HPS3: variants seen among roughly 807,000 people sequenced by gnomAD.
HPS3 encodes BLOC-2 complex member HPS3.
In HPS3, 79 loss-of-function variants were observed where a neutral mutation model predicts 110.9. The observed-to-expected ratio is 0.71, with a 90% CI of 0.59 to 0.86. The LOEUF is 0.86. Among genes scored for constraint, HPS3 ranks in the 40% least tolerant of loss-of-function variants. HPS3 has a pLI of 0.00. For missense variants in HPS3, 1,197 were observed against 1,206.2 expected (o/e 0.99, Z 0.11); for synonymous variants, 428 against 451.0 (o/e 0.95, Z 0.65).
chr3:149,131,373 GT>G (rs1186881408), intron 1 of HPS3, among the ~76,000 whole-genome samples: 1 of 152,098 alleles, frequency 6.6e-6, no homozygotes, highest in Non-Finnish European at 1.5e-5. Flanking sequence ...AAATCTACCA[GT>G]TCCATTTTTC....
Position 149,132,228 on chromosome 3 carries a change from T to C in HPS3, c.217+2288T>C, listed in dbSNP as rs540811324. On this transcript the variant is annotated intron_variant, in intron 1 of 16. Transcript: ENST00000296051. ...TTTTTCAGTGTAGACAAAACAGTCT[T>C]AAATTGGAAGAAGATGCCATCTAGG... Among the ~76,000 whole-genome samples, 3 of 152,310 alleles carry C rather than the reference T, an allele frequency of 2.0e-5. No individual in the cohort carries two copies. In the South Asian group the frequency reaches 6.2e-4, roughly 32 times the overall value.
chr3:149,136,197 T>G (rs529974293), intron 1 of HPS3, among the ~76,000 whole-genome samples: 1 of 111,328 alleles, frequency 9.0e-6, no homozygotes, highest in African/African-American at 3.8e-5. Context: ...TTATAATATA[T>G]GTATATACAT....
intron 10 of HPS3, 32 bp downstream of exon 10, chr3:149,158,878 T>C (rs1239784331): frequency 7.1e-7 from 1 of 1,402,146 alleles, no homozygotes; most frequent in Admixed American, 1.7e-5. Flanking sequence ...CTATCTAATA[T>C]TTTTAACATT....
chr3:149,146,736 G>C (rs1332977927), intron 5 of HPS3, among the ~76,000 whole-genome samples: 1 of 152,198 alleles, frequency 6.6e-6, no homozygotes, highest in Non-Finnish European at 1.5e-5. Flanking sequence ...TTTCTTAAGT[G>C]AACAATGTGG....
chr3:149,144,723 T>G (rs1157916201), intron 4 of HPS3, among the ~76,000 whole-genome samples: 1 of 152,202 alleles, frequency 6.6e-6, no homozygotes, highest in East Asian at 1.9e-4. Flanking sequence ...TCTATGCTGT[T>G]TAGTATGGTA....
chr3:149,138,781 C>T (rs1048035712), intron 1 of HPS3, among the ~76,000 whole-genome samples: 11 of 152,050 alleles, frequency 7.2e-5, no homozygotes, highest in Admixed American at 5.9e-4. Flanking sequence ...GGCTGATAAA[C>T]GTAGGAAAAG....
At chr3:149,152,015 C>T (rs1209043267) in intron 6 of HPS3, among the ~76,000 whole-genome samples, 1 of 152,120 alleles carries the variant, frequency 6.6e-6, no homozygotes, top group Non-Finnish European at 1.5e-5. Context: ...TCTCTGAGTT[C>T]CTAGTGACCC....
intron 14 of HPS3, among the ~76,000 whole-genome samples, 163 bp from the exon 15 acceptor site, chr3:149,166,865 ATTATAC>A (rs1236810602): frequency 6.6e-6 from 1 of 152,226 alleles, no homozygotes; most frequent in African/African-American, 2.4e-5. Flanking sequence ...TCAAGATTAT[ATTATAC>A]TTAGATTTAT....
chr3:149,154,961 A>G (rs920575347), intron 7 of HPS3, 146 bp from the exon 8 acceptor site: 10 of 627,492 alleles, frequency 1.6e-5, no homozygotes, highest in East Asian at 5.6e-5. Context: ...CTAATATTCC[A>G]TAGAAATAGA....
intron 6 of HPS3, among the ~76,000 whole-genome samples, chr3:149,153,040 C>A (rs1723230198): frequency 6.6e-6 from 1 of 152,208 alleles, no homozygotes; most frequent in Non-Finnish European, 1.5e-5. Flanking sequence ...ATGTACTCTA[C>A]AAGCAGTAGA....
chr3:149,163,583 T>C (rs1447787028), intron 13 of HPS3, among the ~76,000 whole-genome samples: 2 of 152,234 alleles, frequency 1.3e-5, no homozygotes. Context: ...TTAAATGCAG[T>C]ATTGCTCTTT....
intron 1 of HPS3, among the ~76,000 whole-genome samples, chr3:149,139,024 A>G (rs1483350393): frequency 6.6e-6 from 1 of 152,226 alleles, no homozygotes; most frequent in African/African-American, 2.4e-5. Context: ...GGGAATCTGT[A>G]CCGTTAAAAT....
In HPS3 at chr3:149,141,682, C is replaced by T. The variant is rs1194821326; in HGVS notation, c.970+302C>T. Among the ~76,000 whole-genome samples the T allele has an allele frequency of 9.3e-5, 14 of 150,610 alleles. No homozygotes were observed. In the East Asian group the frequency reaches 9.8e-4, roughly 11 times the overall value. On this transcript the variant is annotated intron_variant, in intron 4 of 16. Transcript: ENST00000296051. ...CCGAGTAGCTGGGACTACAGGCGCC[C>T]GCCACCAAGCCCGGCTAAATTTTTT...
Position 149,129,650 on chromosome 3 carries a change from A to G in HPS3, c.-74A>G. ...TTGGCTCGCTCGCGGAAGTAGTCCT[A>G]CATTCGCGGTCAGCGCGGGGTCTCC... On this transcript the variant is annotated 5_prime_UTR_variant, in exon 1 of 17. Coordinates refer to ENST00000296051, the MANE Select transcript of HPS3 (RefSeq NM_032383.5). The G allele has an allele frequency of 8.5e-7, 1 of 1,174,584 alleles. No individual in the cohort carries two copies. Among genetic ancestry groups the G allele is most frequent in the South Asian group, 1.6e-5 (1 of 62,796 alleles). 72.8% of individuals were successfully genotyped at this position (1,174,584 alleles called of 1,614,324 possible). A position where few individuals can be genotyped will look rare whatever the true frequency, so the allele number is the denominator to read the frequency against.
intron 6 of HPS3, among the ~76,000 whole-genome samples, chr3:149,151,587 T>TATAAAAAA (rs1723116580): frequency 2.5e-5 from 1 of 40,300 alleles, no homozygotes; most frequent in South Asian, 1.2e-3. Context: ...GCTTGGTTTC[T>TATAAAAAA]AAAAAAAAAA....
chr3:149,163,854 A>G lies in HPS3; in HGVS notation c.2494A>G (p.Ser832Gly). 1 of 1,538,632 alleles carries G rather than the reference A, an allele frequency of 6.5e-7. No individual in the cohort carries two copies. Among genetic ancestry groups the G allele is most frequent in the Non-Finnish European group, 9.0e-7 (1 of 1,111,136 alleles). Residue 832 changes from serine to glycine, a missense_variant, in exon 14 of 17, where the codon AGT (serine) becomes GGT (glycine). Physicochemically the swap from Ser to Gly is moderately conservative, Grantham distance 56 (BLOSUM62 0). Transcript: ENST00000296051. ...RTSEDLINAC[S>G]HYGLIYPWVH... ...TTTTATGTTTTAGATAAATGCCTGT[A>G]GTCATTATGGCTTAATTTATCCATG...
intron 1 of HPS3, among the ~76,000 whole-genome samples, chr3:149,138,617 T>C (rs1377726292): frequency 1.3e-5 from 2 of 152,112 alleles, no homozygotes; most frequent in African/African-American, 4.8e-5. Flanking sequence ...ATCAGCAAAG[T>C]CAAAATCAGA....
chr3:149,130,245 A>G, intron 1 of HPS3: 1 of 487,798 alleles, frequency 2.1e-6, no homozygotes, highest in African/African-American at 2.0e-5. Context: ...TAAGCAAACA[A>G]CAACAAAAAA....
At chr3:149,156,115 C>G (rs778131682) in intron 8 of HPS3, among the ~76,000 whole-genome samples, 3 of 152,170 alleles carry the variant, frequency 2.0e-5, no homozygotes, top group Non-Finnish European at 4.4e-5. Context: ...ACATTTTACC[C>G]TATTTGCTTC....
Sources: gnomAD v4.1 joint callset for allele counts (sites outside exome capture counted in the v4.1 genomes callset) on GRCh38, gnomAD v4.1.1 for gene constraint, MANE v1.5 for transcripts, NCBI Gene and HGNC (gene_info 2026-07-23, HGNC 2026-07-21) for gene names.